The following FAM114A2 variants were observed in gnomAD, a reference collection of about 807,000 sequenced individuals.
The protein encoded by FAM114A2 is protein FAM114A2.
FAM114A2 carries 53 observed loss-of-function variants against 58.4 expected under a neutral mutation model. The ratio of observed to expected loss-of-function variants is 0.91; its 90% CI spans 0.73 to 1.14. FAM114A2 has a LOEUF of 1.14. FAM114A2 is among the 50% of genes most tolerant of loss of function. The pLI is 0.00. For missense variants in FAM114A2, 601 were observed against 581.1 expected, an observed-to-expected ratio of 1.03 and a Z score of -0.35; for synonymous variants, 228 against 211.4, an observed-to-expected ratio of 1.08 and a Z score of -0.68.
intron 11 of FAM114A2, among the ~76,000 whole-genome samples, 164 bp from the exon 12 acceptor site, chr5:153,998,039 C>T (rs1275632359): frequency 1.3e-5 from 2 of 152,134 alleles, no homozygotes; most frequent in Non-Finnish European, 2.9e-5. Flanking sequence ...TGTGGTTTCA[C>T]TTTTTGCAGT....
At chr5:154,027,898 A>C (rs1171796487) in intron 6 of FAM114A2, among the ~76,000 whole-genome samples, 1 of 152,102 alleles carries the variant, frequency 6.6e-6, no homozygotes, top group Non-Finnish European at 1.5e-5. Context: ...AACAAACAAA[A>C]AACCCTGACA....
chr5:154,004,092 A>C (rs1770190200), intron 9 of FAM114A2, among the ~76,000 whole-genome samples: 1 of 152,226 alleles, frequency 6.6e-6, no homozygotes, highest in Non-Finnish European at 1.5e-5. Flanking sequence ...GGTTTGTGTA[A>C]GTACACTCTC....
chr5:154,016,169 T>A (rs551470489), intron 8 of FAM114A2, among the ~76,000 whole-genome samples: 38 of 152,212 alleles, frequency 2.5e-4, no homozygotes, highest in Middle Eastern at 6.8e-3. Context: ...AGAAGAGAAA[T>A]GTAAAAGTTT....
chr5:154,018,352 T>C (rs1381303104), intron 8 of FAM114A2, among the ~76,000 whole-genome samples: 1 of 152,040 alleles, frequency 6.6e-6, no homozygotes, highest in East Asian at 1.9e-4. Context: ...CCTCCTAGCT[T>C]AAATCAGGAA....
intron 8 of FAM114A2, among the ~76,000 whole-genome samples, chr5:154,025,061 T>A (rs1263088005): frequency 6.6e-6 from 1 of 152,154 alleles, no homozygotes; most frequent in Non-Finnish European, 1.5e-5. Context: ...ATTATCCTAT[T>A]CTGAATAGTC....
chr5:154,010,942 T>G (rs1770651715), intron 9 of FAM114A2, among the ~76,000 whole-genome samples: 1 of 152,212 alleles, frequency 6.6e-6, no homozygotes. Flanking sequence ...ATCATGAGGC[T>G]GGTCATCACT....
At chr5:154,035,910 G>A (rs1366977620) in intron 1 of FAM114A2, among the ~76,000 whole-genome samples, 1 of 152,076 alleles carries the variant, frequency 6.6e-6, no homozygotes, top group Non-Finnish European at 1.5e-5. Context: ...ATCTCATTGT[G>A]GATTTAAGTT....
At chr5:154,007,729 A>ATATGTT (rs1770446720) in intron 9 of FAM114A2, among the ~76,000 whole-genome samples, 1 of 152,228 alleles carries the variant, frequency 6.6e-6, no homozygotes. Context: ...TTTATTGAAC[A>ATATGTT]CATATGTATA....
At position 153,996,738 on chromosome 5, in the gene FAM114A2, T is replaced by C. The variant is rs959759017; in HGVS notation, c.1329+1065A>G. Among the ~76,000 whole-genome samples, 4 of 115,944 alleles carry C rather than the reference T, an allele frequency of 3.4e-5. No individual in the cohort carries two copies. In the Admixed American group the frequency reaches 3.8e-4, roughly 11 times the overall value. The allele number at this position is 115,944 out of a possible 152,430, so 76.1% of individuals were successfully genotyped here. ...GGCGCTGGGCACGGTGGCTCATGCC[T>C]GTACTCCCAGCACTTTGGGAGGCCA... On this transcript the variant is annotated intron_variant, in intron 12 of 13. Coordinates refer to ENST00000351797, the MANE Select transcript of FAM114A2 (RefSeq NM_018691.4).
At chr5:154,023,543 T>C (rs146959467) in intron 8 of FAM114A2, among the ~76,000 whole-genome samples, 170 of 152,246 alleles carry the variant, frequency 1.1e-3, no homozygotes, top group Non-Finnish European at 2.2e-3. Flanking sequence ...AAACATCATA[T>C]GCTCTCATTC....
chr5:154,010,955 C>T (rs912856612), intron 9 of FAM114A2, among the ~76,000 whole-genome samples: 2 of 152,136 alleles, frequency 1.3e-5, no homozygotes, highest in African/African-American at 2.4e-5. Flanking sequence ...TCATCACTGC[C>T]AACTTTTAAT....
chr5:154,003,572 C>T (rs929768246), intron 9 of FAM114A2, among the ~76,000 whole-genome samples: 3 of 152,046 alleles, frequency 2.0e-5, no homozygotes, highest in African/African-American at 7.2e-5. Context: ...GTGTATATGC[C>T]TACGAAACCG....
At chr5:154,027,048 T>G in intron 7 of FAM114A2, 128 bp downstream of exon 7, 1 of 685,184 alleles carries the variant, frequency 1.5e-6, no homozygotes, top group Non-Finnish European at 2.4e-6. Context: ...TGTGGTAGTA[T>G]TTCGAAGGCA....
chr5:154,030,515 A>G (rs1186238604), intron 4 of FAM114A2, among the ~76,000 whole-genome samples: 1 of 152,222 alleles, frequency 6.6e-6, no homozygotes, highest in Non-Finnish European at 1.5e-5. Flanking sequence ...CAAGAAGAAC[A>G]ACAAAGTAAA....
intron 8 of FAM114A2, among the ~76,000 whole-genome samples, chr5:154,022,507 T>G (rs914843534): frequency 5.3e-5 from 8 of 152,196 alleles, no homozygotes; most frequent in African/African-American, 1.9e-4. Context: ...AAAGAAGACA[T>G]GTATGCAGCC....
chr5:154,011,153 C>G lies in FAM114A2; in HGVS notation c.993+88G>C, dbSNP rs149192032. The G allele has an allele frequency of 9.2e-3, 9,751 of 1,054,414 alleles. 109 individuals carry two copies. Among genetic ancestry groups the G allele is most frequent in the South Asian group, 0.033 (2,198 of 66,946 alleles). The allele number at this position is 1,054,414 out of a possible 1,614,324, so 65.3% of individuals were successfully genotyped here. A position where few individuals can be genotyped will look rare whatever the true frequency, so the allele number is the denominator to read the frequency against. On this transcript the variant is annotated intron_variant, in intron 9 of 13. Transcript: ENST00000351797. ...AATATACCTTCGATTTTGGTGACAC[C>G]TCTGCCAGGAATTTATAATCTTATG... is the stretch of plus-strand genomic sequence containing the variant.
At position 154,002,933 on chromosome 5, in the gene FAM114A2, G is replaced by T; in HGVS notation, c.1030C>A (p.Leu344Met). The change falls in exon 10 of 14, where the codon CTG (leucine) becomes ATG (methionine). Residue 344 changes from leucine to methionine, a missense_variant. Physicochemically the swap from Leu to Met is conservative, Grantham distance 15. Coordinates refer to ENST00000351797, the MANE Select transcript of FAM114A2 (RefSeq NM_018691.4). Reference sequence around the variant, plus strand: ...TCATTCTCTGCTAATGGCTTGGTCAGAGACTTCCTGATCCATTCGTGGGCG... The same window carrying T: ...TCATTCTCTGCTAATGGCTTGGTCATAGACTTCCTGATCCATTCGTGGGCG... Reference protein sequence around the residue: ...NTAHEWIRKSLTKPLAENEEG... With the variant: ...NTAHEWIRKSMTKPLAENEEG... 1 of 1,613,854 alleles carries T rather than the reference G, an allele frequency of 6.2e-7. No individual in the cohort carries two copies.
At chr5:154,014,024 A>T (rs191548504) in intron 8 of FAM114A2, among the ~76,000 whole-genome samples, 32 of 152,292 alleles carry the variant, frequency 2.1e-4, no homozygotes, top group Admixed American at 1.6e-3. Context: ...TGGCTTAGTA[A>T]ATGGCAGATC....
At chr5:154,033,745 C>A in intron 4 of FAM114A2, 46 bp downstream of exon 4, 3 of 1,139,562 alleles carry the variant, frequency 2.6e-6, no homozygotes, top group Non-Finnish European at 3.9e-6. Context: ...TTCAACTGTT[C>A]CATTTCAATT....
Sources: gnomAD v4.1 joint callset for allele counts (sites outside exome capture counted in the v4.1 genomes callset) on GRCh38, gnomAD v4.1.1 for gene constraint, MANE v1.5 for transcripts, NCBI Gene and HGNC (gene_info 2026-07-23, HGNC 2026-07-21) for gene names.